The following RGS5 variants were observed in gnomAD, a reference collection of about 807,000 sequenced individuals.
RGS5 encodes the protein regulator of G-protein signalling 5.
In RGS5, 20 loss-of-function variants were observed where a neutral mutation model predicts 18.9. The ratio of observed to expected loss-of-function variants is 1.06; its 90% CI spans 0.74 to 1.54. RGS5 has a LOEUF of 1.54. RGS5 is among the 40% of genes most tolerant of loss of function. The pLI, the probability that RGS5 is intolerant of heterozygous loss-of-function variation, is 0.00. For synonymous variants in RGS5, 57 were observed against 76.2 expected (o/e 0.75, Z 1.31); for missense variants, 201 against 211.8 (o/e 0.95, Z 0.32).
Position 163,146,662 on chromosome 1 carries a change from G to A in RGS5, c.*680C>T, listed in dbSNP as rs1471520455. 1 of 152,082 alleles carries A rather than the reference G, an allele frequency of 6.6e-6. No individual in the cohort carries two copies. Among genetic ancestry groups the A allele is most frequent in the Non-Finnish European group, 1.5e-5 (1 of 68,024 alleles). The allele number at this position is 152,082 out of a possible 1,614,324, so 9.4% of individuals were successfully genotyped here. ...TTTGGTGACTATGGGCAGGTGGAGG[G>A]GGCCAGTGAGGAAGGTATAAAAGAG... On this transcript the variant is annotated 3_prime_UTR_variant, in exon 5 of 5. Coordinates refer to ENST00000313961, the MANE Select transcript of RGS5 (RefSeq NM_003617.4).
intron 2 of RGS5, among the ~76,000 whole-genome samples, chr1:163,276,447 A>C (rs1288002482): frequency 1.3e-5 from 2 of 152,160 alleles, no homozygotes; most frequent in African/African-American, 2.4e-5. Flanking sequence ...TAGATATTTA[A>C]ATTTTTTTCA....
At chr1:163,234,876 G>A (rs933548445) in intron 2 of RGS5, among the ~76,000 whole-genome samples, 11 of 152,166 alleles carry the variant, frequency 7.2e-5, no homozygotes, top group Non-Finnish European at 1.6e-4. Context: ...TAATGGCTCA[G>A]CCTTTTTCTC....
intron 1 of RGS5, among the ~76,000 whole-genome samples, chr1:163,179,213 T>A (rs1009276992): frequency 6.6e-6 from 1 of 152,212 alleles, no homozygotes; most frequent in Non-Finnish European, 1.5e-5. Context: ...GTAAAGGGCC[T>A]GGATATTGGA....
At chr1:163,168,409 T>G in intron 1 of RGS5, 41 bp from the exon 2 acceptor site, 1 of 1,362,400 alleles carries the variant, frequency 7.3e-7, no homozygotes, top group Non-Finnish European at 1.0e-6. Flanking sequence ...ACACCACATG[T>G]GCATACAGAT....
At position 163,275,298 on chromosome 1, in the gene RGS5, AATCTTC is replaced by A. The variant is rs1395028200; in HGVS notation, c.-281+30929_-281+30934del. ...TCTGATCAACCTAGGACATTCAATA[AATCTTC>A]TTAGTGCCCCCAGGTTTAGCTCATG... is the stretch of plus-strand genomic sequence containing the variant. On this transcript the variant is annotated intron_variant, in intron 2 of 5. Transcript: ENST00000618415. 2.2e-3 allele frequency among the ~76,000 whole-genome samples: 333 copies of A among 152,184 alleles called. 1 individual carries two copies. Among genetic ancestry groups the A allele is most frequent in the African/African-American group, 7.9e-3 (327 of 41,520 alleles).
upstream of RGS5, among the ~76,000 whole-genome samples, chr1:163,220,856 A>G (rs1486412781): frequency 6.6e-6 from 1 of 152,070 alleles, no homozygotes; most frequent in African/African-American, 2.4e-5. Flanking sequence ...ATGGAAGTAA[A>G]AGTTTGGAGT....
intron 3 of RGS5, among the ~76,000 whole-genome samples, chr1:163,155,809 C>T (rs1030288059): frequency 6.6e-6 from 1 of 152,130 alleles, no homozygotes; most frequent in Admixed American, 6.6e-5. Context: ...CACAGAGCGT[C>T]GGAGTACCTC....
intron 4 of RGS5, among the ~76,000 whole-genome samples, chr1:163,148,631 A>G (rs1343343059): frequency 6.6e-6 from 1 of 152,206 alleles, no homozygotes; most frequent in East Asian, 1.9e-4. Flanking sequence ...TCCAGAGCCC[A>G]GCCTTTTAAC....
upstream of RGS5, among the ~76,000 whole-genome samples, chr1:163,222,457 CCAT>C (rs1647248416): frequency 6.6e-6 from 1 of 152,082 alleles, no homozygotes; most frequent in Non-Finnish European, 1.5e-5. Context: ...AAGTTGGGGA[CCAT>C]CATATCACCT....
intron 2 of RGS5, among the ~76,000 whole-genome samples, chr1:163,283,568 G>A (rs12748834): frequency 0.3 from 46,092 of 152,026 alleles, 7,046 homozygotes; most frequent in Non-Finnish European, 0.32. Context: ...CACTCCGTGA[G>A]TGTATGTAGA....
At chr1:163,167,708 C>T (rs1447033638) in intron 2 of RGS5, among the ~76,000 whole-genome samples, 2 of 152,188 alleles carry the variant, frequency 1.3e-5, no homozygotes, top group Non-Finnish European at 2.9e-5. Context: ...ATTCGTTCTT[C>T]ACTTAAGTAA....
Position 163,152,618 on chromosome 1 carries a change from G to T in RGS5, c.316C>A (p.Pro106Thr). 3 of 1,612,578 alleles carry T rather than the reference G, an allele frequency of 1.9e-6. No individual in the cohort carries two copies. Among genetic ancestry groups the T allele is most frequent in the East Asian group, 2.2e-5 (1 of 44,842 alleles). Residue 106 changes from proline to threonine, a missense_variant, in exon 4 of 5, where the codon CCT (proline) becomes ACT (threonine). Transcript: ENST00000313961. Reference protein sequence around the residue: ...ACEDYKKIKSPAKMAEKAKQI... With the variant: ...ACEDYKKIKSTAKMAEKAKQI... ...TTTGCCTTCTCAGCCATCTTGGCAG[G>T]GGACTTGATCTTCTTGTAATCCTCA...
chr1:163,160,287 A>T (rs1657750315), intron 3 of RGS5, among the ~76,000 whole-genome samples: 1 of 152,220 alleles, frequency 6.6e-6, no homozygotes, highest in Non-Finnish European at 1.5e-5. Flanking sequence ...ACCTGTGCTC[A>T]GAGTACTAGT....
chr1:163,315,421 C>A (rs1412200732), intron 1 of RGS5, among the ~76,000 whole-genome samples: 1 of 152,068 alleles, frequency 6.6e-6, no homozygotes, highest in African/African-American at 2.4e-5. Flanking sequence ...TAAAAAGTCA[C>A]ATTGACCAAA....
intron 1 of RGS5, among the ~76,000 whole-genome samples, chr1:163,316,196 G>C (rs1219867926): frequency 3.3e-5 from 5 of 152,110 alleles, no homozygotes; most frequent in African/African-American, 1.2e-4. Flanking sequence ...AAAGGGTTTT[G>C]CATATTAAAT....
At chr1:163,151,844 T>C (rs970622855) in intron 4 of RGS5, among the ~76,000 whole-genome samples, 3 of 152,196 alleles carry the variant, frequency 2.0e-5, no homozygotes, top group African/African-American at 7.2e-5. Flanking sequence ...CTGGAATGCT[T>C]GGGACCAGAA....
chr1:163,256,507 A>G (rs898890961), intron 2 of RGS5, among the ~76,000 whole-genome samples: 3 of 152,258 alleles, frequency 2.0e-5, no homozygotes, highest in Non-Finnish European at 2.9e-5. Context: ...TGATTTATTA[A>G]TCATTTGGCA....
chr1:163,168,481 T>C, intron 1 of RGS5, 113 bp from the exon 2 acceptor site: 1 of 745,380 alleles, frequency 1.3e-6, no homozygotes, highest in Non-Finnish European at 2.3e-6. Context: ...CATTTCACTT[T>C]TATTTTTCTT....
In RGS5 at chr1:163,172,605, G is replaced by C; in HGVS notation, c.45-4237C>G. On this transcript the variant is annotated intron_variant, in intron 1 of 4. Coordinates refer to ENST00000313961, the MANE Select transcript of RGS5 (RefSeq NM_003617.4). ...CCTCATATTTGCCCTGGAAATGTAA[G>C]GGAGAAAAGATATTCAGTGCTTTGG... 3 of 1,549,742 alleles carry C rather than the reference G, an allele frequency of 1.9e-6. No individual in the cohort carries two copies. In the South Asian group the frequency reaches 3.6e-5, roughly 18 times the overall value.
Sources: allele counts gnomAD v4.1 joint callset (sites outside exome capture counted in the v4.1 genomes callset), GRCh38; gene constraint gnomAD v4.1.1; transcripts MANE v1.5; gene names NCBI Gene and HGNC (gene_info 2026-07-23, HGNC 2026-07-21).